Variants in PIK3R6 observed in about 807,000 individuals in gnomAD.
PIK3R6 encodes the protein phosphoinositide 3-kinase regulatory subunit 6.
A neutral mutation model predicts 84.9 loss-of-function variants in PIK3R6; 91 were observed. The ratio of observed to expected loss-of-function variants is 1.07; its 90% CI spans 0.90 to 1.28. PIK3R6 has a LOEUF of 1.28. Among genes scored for constraint, PIK3R6 ranks in the 50% most tolerant of loss-of-function variants. The pLI, the probability that PIK3R6 is intolerant of heterozygous loss-of-function variation, is 0.00. For synonymous variants in PIK3R6, 416 were observed against 411.4 expected (o/e 1.01, Z -0.13); for missense variants, 996 against 985.1 (o/e 1.01, Z -0.15).
rs749459167 is a variant in PIK3R6 at position 8,828,818 on chromosome 17, A to C, written c.1062T>G (p.Pro354=). The change falls in exon 11 of 20, where the codon CCT becomes CCG. Residue 354 remains proline (P), a synonymous_variant. Coordinates refer to ENST00000619866, the MANE Select transcript of PIK3R6 (RefSeq NM_001010855.4). ...RDLPTGADEL[P]APGSPEMERA... is the part of the protein sequence containing the mutation. ...GCTCCATCTCAGGGCTGCCGGGTGC[A>C]GGCAGCTCATCAGCCCCCGTGGGAA... The C allele has an allele frequency of 3.1e-6, 5 of 1,590,644 alleles. No individual in the cohort carries two copies. In the Admixed American group the frequency reaches 8.8e-5, roughly 28 times the overall value.
chr17:8,807,149 G>A (rs2087229064), intron 18 of PIK3R6, among the ~76,000 whole-genome samples: 1 of 152,224 alleles, frequency 6.6e-6, no homozygotes, highest in East Asian at 1.9e-4. Flanking sequence ...ATATGGGGTT[G>A]CCCTATACGA....
intron 18 of PIK3R6, among the ~76,000 whole-genome samples, chr17:8,806,161 G>A (rs60422945): frequency 0.042 from 6,398 of 152,284 alleles, 470 homozygotes; most frequent in African/African-American, 0.14. Flanking sequence ...AGCCAGGTAC[G>A]TTCTATTTGC....
chr17:8,832,011 T>A (rs1300640461), intron 9 of PIK3R6, among the ~76,000 whole-genome samples: 1 of 152,212 alleles, frequency 6.6e-6, no homozygotes, highest in Non-Finnish European at 1.5e-5. Context: ...TAAAAATCTA[T>A]GATACCAGAT....
At chr17:8,819,955 A>AT (rs71361825) in intron 17 of PIK3R6, among the ~76,000 whole-genome samples, 305 of 135,724 alleles carry the variant, frequency 2.2e-3, no homozygotes, top group African/African-American at 8.5e-3. Flanking sequence ...ATATATATAT[A>AT]TTTTTTTTTT....
At position 8,832,968 on chromosome 17, in the gene PIK3R6, G is replaced by T; in HGVS notation, c.723C>A (p.Ser241Arg). ...AALEQMASEA[S>R]PSREGHVERL... Reference sequence around the variant, plus strand: ...TCTCTACGTGTCCCTCCCGGCTCGGGCTGGCCTCGCTGGCCATCTGCTCCA... The same window carrying T: ...TCTCTACGTGTCCCTCCCGGCTCGGTCTGGCCTCGCTGGCCATCTGCTCCA... Residue 241 changes from serine to arginine, a missense_variant, in exon 9 of 20, where the codon AGC becomes AGA. Transcript: ENST00000619866. 1 of 1,611,990 alleles carries T rather than the reference G, an allele frequency of 6.2e-7. No individual in the cohort carries two copies.
intron 1 of PIK3R6, among the ~76,000 whole-genome samples, chr17:8,850,933 C>T (rs1040766828): frequency 2.0e-5 from 3 of 152,074 alleles, no homozygotes; most frequent in Non-Finnish European, 4.4e-5. Context: ...GAAATAGAGA[C>T]AGTTGTCAAA....
In PIK3R6 at chr17:8,828,192, T is replaced by C. The variant is rs1324029237; in HGVS notation, c.1314-2A>G. On this transcript the variant is annotated splice_acceptor_variant, in intron 11 of 19. Coordinates refer to ENST00000619866, the MANE Select transcript of PIK3R6 (RefSeq NM_001010855.4). LOFTEE classifies it high-confidence loss of function. ...CAGAACTTCTGGGTCTCCCGTTTCCTAGCAATGGGCAGCAAAGCAGAGGAG... is the reference window on the plus strand; with the variant it reads ...CAGAACTTCTGGGTCTCCCGTTTCCCAGCAATGGGCAGCAAAGCAGAGGAG... 4 of 1,613,770 alleles carry C rather than the reference T, an allele frequency of 2.5e-6. No homozygotes were observed. In the South Asian group the frequency reaches 4.4e-5, roughly 18 times the overall value.
chr17:8,817,645 A>C (rs111238910), intron 18 of PIK3R6, among the ~76,000 whole-genome samples: 5,884 of 151,418 alleles, frequency 0.039, 406 homozygotes, highest in African/African-American at 0.14. Context: ...CGTCTCGAAA[A>C]AAAACAAAAC....
chr17:8,812,445 A>G (rs993864591), intron 18 of PIK3R6, among the ~76,000 whole-genome samples: 2 of 152,248 alleles, frequency 1.3e-5, no homozygotes, highest in African/African-American at 2.4e-5. Flanking sequence ...ACAACTGCAA[A>G]ATGTAATTCT....
chr17:8,865,553 C>A (rs2089387244), intron 1 of PIK3R6, among the ~76,000 whole-genome samples: 1 of 152,114 alleles, frequency 6.6e-6, no homozygotes, highest in Admixed American at 6.5e-5. Flanking sequence ...ACCAGAGCTG[C>A]CTCGTGCCCT....
chr17:8,822,045 TGAGA>T, intron 16 of PIK3R6, 109 bp from the exon 17 acceptor site: 1 of 784,732 alleles, frequency 1.3e-6, no homozygotes, highest in Non-Finnish European at 1.9e-6. Flanking sequence ...ACCCCTGCTG[TGAGA>T]GTCTTTTTTT....
intron 11 of PIK3R6, 76 bp from the exon 12 acceptor site, chr17:8,828,266 A>C: frequency 6.8e-7 from 1 of 1,468,836 alleles, no homozygotes; most frequent in East Asian, 2.3e-5. Flanking sequence ...GCTATTTGTT[A>C]TCTCTTGACC....
intron 15 of PIK3R6, 131 bp from the exon 16 acceptor site, chr17:8,822,788 A>T (rs2087784033): frequency 9.4e-7 from 1 of 1,060,362 alleles, no homozygotes. Flanking sequence ...TGGAAAGGTG[A>T]CACCTCCGGG....
chr17:8,818,916 T>A (rs1234043902), intron 18 of PIK3R6, among the ~76,000 whole-genome samples, 167 bp downstream of exon 18: 1 of 152,208 alleles, frequency 6.6e-6, no homozygotes, highest in East Asian at 1.9e-4. Flanking sequence ...TCAAACAGAC[T>A]GATTGAAAAG....
chr17:8,829,506 ACACT>A lies in PIK3R6; in HGVS notation c.889+196_889+199del, dbSNP rs1231582920. On this transcript the variant is annotated intron_variant, in intron 10 of 19. Transcript: ENST00000619866. ...TGCACGCATACACACACACTGACAC[ACACT>A]CATGCATACACACACACTGACACAC... is the stretch of plus-strand genomic sequence containing the variant. Among the ~76,000 whole-genome samples, 893 of 131,472 alleles carry A rather than the reference ACACT, an allele frequency of 6.8e-3. 11 individuals carry two copies. Among genetic ancestry groups the A allele is most frequent in the African/African-American group, 0.025 (799 of 32,340 alleles). The allele number at this position is 131,472 out of a possible 152,430, so 86.3% of individuals were successfully genotyped here.
Position 8,831,145 on chromosome 17 carries a change from CAAAAAAAAAA to C in PIK3R6, c.803-1363_803-1354del, listed in dbSNP as rs35954175. Among the ~76,000 whole-genome samples, 106 of 42,018 alleles carry C rather than the reference CAAAAAAAAAA, an allele frequency of 2.5e-3. 2 individuals are homozygous for C. Among genetic ancestry groups the C allele is most frequent in the African/African-American group, 0.01 (96 of 9,302 alleles). The allele number at this position is 42,018 out of a possible 152,430, so 27.6% of individuals were successfully genotyped here. On this transcript the variant is annotated intron_variant, in intron 9 of 19. Transcript: ENST00000619866. ...TGGGTGACTGAGCAAGATTGTGTCT[CAAAAAAAAAA>C]AAAAAAAAAAAAAGATGCACAGGGC...
Position 8,803,441 on chromosome 17 carries a change from G to C in PIK3R6, c.2109-12C>G. ...GAGCAACCTCGAATCTGTGGGTGGA[G>C]AGAGACCAGCTCAGGTGACCCATCT... On this transcript the variant is annotated splice_polypyrimidine_tract_variant and intron_variant, in intron 19 of 19. Coordinates refer to ENST00000619866, the MANE Select transcript of PIK3R6 (RefSeq NM_001010855.4). The surrounding 1 kb of genome is among the most constrained non-coding windows in gnomAD (Gnocchi z 5.0). 1.3e-6 allele frequency: 2 copies of C among 1,590,590 alleles called. No homozygotes were observed. The highest frequency in any genetic ancestry group is 1.2e-5 in the South Asian group (1 of 86,548).
At chr17:8,836,766 G>A (rs2151269043) in intron 6 of PIK3R6, 25 bp downstream of exon 6, 2 of 1,611,072 alleles carry the variant, frequency 1.2e-6, no homozygotes, top group South Asian at 2.2e-5. Context: ...CAGCGTGGGA[G>A]ACAAAGATGC....
chr17:8,865,726 C>T (rs953177381), intron 1 of PIK3R6, among the ~76,000 whole-genome samples: 1 of 152,100 alleles, frequency 6.6e-6, no homozygotes, highest in African/African-American at 2.4e-5. Context: ...GCCCTTGCCC[C>T]CATGAGGTCT....
Sources: allele counts gnomAD v4.1 joint callset (sites outside exome capture counted in the v4.1 genomes callset), GRCh38; gene constraint gnomAD v4.1.1; non-coding constraint Gnocchi (gnomAD v3.1); transcripts MANE v1.5; gene names NCBI Gene and HGNC (gene_info 2026-07-23, HGNC 2026-07-21).